Variants in MAST4 observed in about 807,000 individuals in gnomAD.
MAST4 encodes the protein microtubule associated serine/threonine kinase family member 4, also known as microtubule-associated serine/threonine-protein kinase 4.
MAST4 carries 89 observed loss-of-function variants against 162.7 expected under a neutral mutation model. The ratio of observed to expected loss-of-function variants is 0.55; its 90% CI spans 0.46 to 0.65. The LOEUF is 0.65. Ranked by LOEUF, MAST4 falls within the 30% of genes least tolerant of loss-of-function variation. The probability of loss-of-function intolerance (pLI) is 0.00; values close to 1 mark genes in which losing one functional copy is unlikely to be tolerated. For missense variants in MAST4, 3,153 were observed against 3,374.0 expected (o/e 0.93, Z 1.62); for synonymous variants, 1,479 against 1,361.1 (o/e 1.09, Z -1.91).
chr5:66,971,266 T>A (rs1441046747), intron 4 of MAST4, among the ~76,000 whole-genome samples: 2 of 152,172 alleles, frequency 1.3e-5, no homozygotes, highest in Non-Finnish European at 1.5e-5. Flanking sequence ...AAATTTTGTT[T>A]TAGACAGAGC....
chr5:67,130,466 C>A lies in MAST4; in HGVS notation c.1954+48C>A. 3 of 1,584,864 alleles carry A rather than the reference C, an allele frequency of 1.9e-6. No individual in the cohort carries two copies. The South Asian group carries it at 3.4e-5, about 18-fold the overall frequency. On this transcript the variant is annotated intron_variant, in intron 15 of 28. Transcript: ENST00000403625. The stretch of plus-strand genomic sequence containing the variant: ...CACCTGTACCCAGGAATCCCTTGCT[C>A]ATTTGTGTTGTTGAAGCTGTCTGTA...
intron 4 of MAST4, among the ~76,000 whole-genome samples, chr5:67,007,135 T>C (rs1239961412): frequency 6.6e-6 from 1 of 152,190 alleles, no homozygotes; most frequent in Non-Finnish European, 1.5e-5. Context: ...TATGTGGCTA[T>C]TGCATCCTGT....
At chr5:67,001,899 T>C (rs189087398) in intron 4 of MAST4, 8 of 152,346 alleles carry the variant, frequency 5.3e-5, no homozygotes, top group Admixed American at 5.2e-4. Context: ...CATAGCTGTA[T>C]TCAACTACTG....
At position 67,133,499 on chromosome 5, in the gene MAST4, C is replaced by G; in HGVS notation, c.2094-15C>G. On this transcript the variant is annotated splice_polypyrimidine_tract_variant and intron_variant, in intron 16 of 28. Coordinates refer to ENST00000403625, the MANE Select transcript of MAST4 (RefSeq NM_001164664.2). ...ATAAAGTGATTATTGTGTTACATGT[C>G]CGTCTGCCTCATAGCTTGTTGGTTA... The G allele has an allele frequency of 6.2e-7, 1 of 1,611,902 alleles. No individual in the cohort carries two copies. The highest frequency in any genetic ancestry group is 8.5e-7 in the Non-Finnish European group (1 of 1,178,524).
At chr5:66,673,474 T>A (rs1489708598) in intron 1 of MAST4, among the ~76,000 whole-genome samples, 1 of 151,922 alleles carries the variant, frequency 6.6e-6, no homozygotes, top group South Asian at 2.1e-4. Context: ...CATAACTTGC[T>A]ATATATTTAT....
chr5:66,600,952 T>C (rs986256652), intron 1 of MAST4, among the ~76,000 whole-genome samples: 4 of 152,192 alleles, frequency 2.6e-5, no homozygotes, highest in Non-Finnish European at 4.4e-5. Context: ...ACTTATTTTG[T>C]TGGTATAAGT....
chr5:66,799,746 A>G (rs943853620), intron 3 of MAST4, among the ~76,000 whole-genome samples: 5 of 152,150 alleles, frequency 3.3e-5, no homozygotes, highest in African/African-American at 1.2e-4. Flanking sequence ...CTTGATTTAG[A>G]ATTTAATTGT....
intron 3 of MAST4, among the ~76,000 whole-genome samples, chr5:66,848,285 G>A (rs12110247): frequency 0.32 from 48,312 of 151,832 alleles, 8,048 homozygotes; most frequent in Non-Finnish European, 0.37. Context: ...TGCTTTATAT[G>A]TAAATAATTT....
At chr5:66,650,467 A>G (rs1746144656) in intron 1 of MAST4, among the ~76,000 whole-genome samples, 1 of 152,212 alleles carries the variant, frequency 6.6e-6, no homozygotes, top group Non-Finnish European at 1.5e-5. Flanking sequence ...GCACAGTAGC[A>G]TATCATTGTA....
intron 1 of MAST4, among the ~76,000 whole-genome samples, chr5:66,607,880 G>T (rs568000360): frequency 1.3e-5 from 2 of 152,016 alleles, no homozygotes; most frequent in East Asian, 3.9e-4. Context: ...CTTGATAATT[G>T]GTGTTTTCTG....
intron 2 of MAST4, among the ~76,000 whole-genome samples, chr5:66,776,010 G>C (rs1482210926): frequency 2.0e-5 from 3 of 152,230 alleles, no homozygotes; most frequent in Admixed American, 6.5e-5. Flanking sequence ...GAACTAGAAA[G>C]TGTTCCAAAG....
Position 67,045,604 on chromosome 5 carries a change from A to G in MAST4, c.675-8800A>G, listed in dbSNP as rs374918275. Among the ~76,000 whole-genome samples, 55 of 152,286 alleles carry G rather than the reference A, an allele frequency of 3.6e-4. No homozygotes were observed. In the East Asian group the frequency reaches 8.7e-3, roughly 24 times the overall value. The stretch of plus-strand genomic sequence containing the variant: ...AATGCCATATTTTTACTGTACCTCT[A>G]TGTTTAGATCCTGTCAACCTGAAAG... On this transcript the variant is annotated intron_variant, in intron 4 of 28. Coordinates refer to ENST00000403625, the MANE Select transcript of MAST4 (RefSeq NM_001164664.2).
chr5:66,858,220 G>A (rs1759830285), intron 3 of MAST4, among the ~76,000 whole-genome samples: 1 of 152,102 alleles, frequency 6.6e-6, no homozygotes, highest in African/African-American at 2.4e-5. Context: ...GGCCAGGCTG[G>A]TCTCAAACTC....
At chr5:66,743,065 C>T (rs757529162) in intron 1 of MAST4, among the ~76,000 whole-genome samples, 1 of 152,150 alleles carries the variant, frequency 6.6e-6, no homozygotes, top group African/African-American at 2.4e-5. Flanking sequence ...ACTCCCTGCG[C>T]GGCTCACCAG....
chr5:66,646,186 TTCAA>T, intron 1 of MAST4, among the ~76,000 whole-genome samples: 1 of 152,314 alleles, frequency 6.6e-6, no homozygotes, highest in East Asian at 1.9e-4. Context: ...CTTTTTGCCA[TTCAA>T]TCAGATATCA....
intron 1 of MAST4, among the ~76,000 whole-genome samples, chr5:66,713,605 T>C (rs896601415): frequency 6.6e-6 from 1 of 152,266 alleles, no homozygotes; most frequent in Non-Finnish European, 1.5e-5. Flanking sequence ...CTTCTTCAAT[T>C]GAATCAACAT....
intron 1 of MAST4, among the ~76,000 whole-genome samples, chr5:66,757,016 T>C (rs183311342): frequency 6.6e-6 from 1 of 151,586 alleles, no homozygotes; most frequent in Non-Finnish European, 1.5e-5. Context: ...ATGAATTAGG[T>C]TTTTTTTCTG....
intron 4 of MAST4, among the ~76,000 whole-genome samples, chr5:66,940,502 A>G (rs979796383): frequency 6.6e-6 from 1 of 152,178 alleles, no homozygotes; most frequent in Non-Finnish European, 1.5e-5. Flanking sequence ...TGTTCATAGC[A>G]TCTTCATTAG....
intron 4 of MAST4, among the ~76,000 whole-genome samples, chr5:67,036,732 AT>A (rs1756067495): frequency 6.6e-6 from 1 of 152,106 alleles, no homozygotes; most frequent in Admixed American, 6.5e-5. Flanking sequence ...TACAGATGCA[AT>A]TTTTTTCACC....
Sources: gnomAD v4.1 joint callset for allele counts (sites outside exome capture counted in the v4.1 genomes callset) on GRCh38, gnomAD v4.1.1 for gene constraint, MANE v1.5 for transcripts, NCBI Gene and HGNC (gene_info 2026-07-23, HGNC 2026-07-21) for gene names.